The following GRID2 variants were observed in gnomAD, a reference collection of about 807,000 sequenced individuals.
GRID2 encodes the protein glutamate receptor ionotropic, delta-2.
GRID2 carries 33 observed loss-of-function variants against 114.8 expected under a neutral mutation model. The ratio of observed to expected loss-of-function variants is 0.29; its 90% CI spans 0.22 to 0.38. The LOEUF is 0.38. Among genes scored for constraint, GRID2 ranks in the 10% least tolerant of loss-of-function variants. The pLI is 1.00. For synonymous variants in GRID2, 505 were observed against 449.9 expected (o/e 1.12, Z -1.55); for missense variants, 1,184 against 1,257.7 (o/e 0.94, Z 0.89).
At position 92,304,842 on chromosome 4, in the gene GRID2, T is replaced by C. The variant is rs574101782; in HGVS notation, c.88+98T>C. The C allele has an allele frequency of 2.4e-5, 21 of 871,284 alleles. No individual in the cohort carries two copies. In the Middle Eastern group the frequency reaches 7.0e-4, roughly 29 times the overall value. 54.0% of individuals were successfully genotyped at this position (871,284 alleles called of 1,614,324 possible). ...CCCTCTCCGGTCTCTGTGTGTCTTGTTGGAGGTGGCTTCAGTTCATTGCCC... is the reference window on the plus strand; with the variant it reads ...CCCTCTCCGGTCTCTGTGTGTCTTGCTGGAGGTGGCTTCAGTTCATTGCCC... On this transcript the variant is annotated intron_variant, in intron 1 of 15. Transcript: ENST00000282020.
chr4:93,602,838 G>A (rs1197773411), intron 13 of GRID2, among the ~76,000 whole-genome samples: 1 of 152,242 alleles, frequency 6.6e-6, no homozygotes, highest in East Asian at 1.9e-4. Flanking sequence ...TCTGTCAGAT[G>A]ATTAGCCAAG....
intron 8 of GRID2, among the ~76,000 whole-genome samples, chr4:93,238,947 A>G (rs1315923035): frequency 1.3e-5 from 2 of 151,244 alleles, no homozygotes; most frequent in Non-Finnish European, 3.0e-5. Flanking sequence ...TAATATGTAG[A>G]AAATAGTTTG....
At chr4:92,726,489 G>T (rs1736075639) in intron 2 of GRID2, among the ~76,000 whole-genome samples, 1 of 151,410 alleles carries the variant, frequency 6.6e-6, no homozygotes, top group Non-Finnish European at 1.5e-5. Context: ...TTTTTTAATT[G>T]GTATAAAAGA....
intron 2 of GRID2, among the ~76,000 whole-genome samples, chr4:92,820,747 G>T (rs921120189): frequency 6.6e-6 from 1 of 152,056 alleles, no homozygotes; most frequent in African/African-American, 2.4e-5. Context: ...CAACAGTGAT[G>T]TATATACAAG....
At chr4:93,398,133 G>GTGTGTGTGTATGTGTATATA in intron 9 of GRID2, among the ~76,000 whole-genome samples, 1 of 122,336 alleles carries the variant, frequency 8.2e-6, no homozygotes, top group African/African-American at 3.9e-5. Flanking sequence ...ATGTGTGTGT[G>GTGTGTGTGTATGTGTATATA]TATATATATA....
chr4:92,673,615 G>T (rs541378117), intron 2 of GRID2, among the ~76,000 whole-genome samples: 2 of 152,092 alleles, frequency 1.3e-5, no homozygotes, highest in African/African-American at 4.8e-5. Flanking sequence ...TTTTTTTAAA[G>T]ATATTTTCCC....
intron 13 of GRID2, among the ~76,000 whole-genome samples, chr4:93,520,777 G>A (rs900851676): frequency 6.6e-6 from 1 of 152,118 alleles, no homozygotes; most frequent in African/African-American, 2.4e-5. Context: ...CACAATAAGG[G>A]TTGACAATCA....
chr4:93,303,646 A>G (rs1037273172), intron 8 of GRID2, among the ~76,000 whole-genome samples: 5 of 152,170 alleles, frequency 3.3e-5, no homozygotes, highest in Admixed American at 6.5e-5. Context: ...TCATAGACTC[A>G]TGTTTCCTGT....
At chr4:92,972,664 C>T (rs754543639) in intron 2 of GRID2, among the ~76,000 whole-genome samples, 18 of 151,468 alleles carry the variant, frequency 1.2e-4, no homozygotes, top group East Asian at 5.8e-4. Flanking sequence ...CATAGGTAAT[C>T]GTGTCATGGG....
intron 2 of GRID2, among the ~76,000 whole-genome samples, chr4:92,920,829 G>C (rs1319678887): frequency 1.3e-5 from 2 of 151,962 alleles, no homozygotes; most frequent in African/African-American, 2.4e-5. Context: ...ATGTGTCTTG[G>C]AGTTGCTCTT....
intron 1 of GRID2, among the ~76,000 whole-genome samples, chr4:92,307,431 A>T (rs1217412715): frequency 6.6e-6 from 1 of 152,152 alleles, no homozygotes; most frequent in African/African-American, 2.4e-5. Flanking sequence ...AACTGGAAAG[A>T]TGAAAAGACA....
chr4:93,441,267 T>C (rs938423200), intron 10 of GRID2, among the ~76,000 whole-genome samples: 1 of 151,918 alleles, frequency 6.6e-6, no homozygotes, highest in African/African-American at 2.4e-5. Flanking sequence ...AAATAACTTT[T>C]AAAGACATTT....
At chr4:93,364,950 CAACT>C (rs1762199554) in intron 8 of GRID2, among the ~76,000 whole-genome samples, 1 of 152,048 alleles carries the variant, frequency 6.6e-6, no homozygotes, top group Admixed American at 6.6e-5. Flanking sequence ...TTACTACTCC[CAACT>C]GTTATTTTTA....
At chr4:92,366,277 T>C (rs1728863061) in intron 1 of GRID2, among the ~76,000 whole-genome samples, 1 of 152,058 alleles carries the variant, frequency 6.6e-6, no homozygotes, top group Admixed American at 6.6e-5. Flanking sequence ...TTACATTCCT[T>C]ATCTCAACTC....
chr4:92,668,954 G>T (rs903660866), intron 2 of GRID2, among the ~76,000 whole-genome samples: 2 of 151,758 alleles, frequency 1.3e-5, no homozygotes, highest in African/African-American at 4.8e-5. Context: ...ATTTTAGCAT[G>T]GTAGTATAGC....
At chr4:92,644,107 A>T (rs1454173504) in intron 2 of GRID2, among the ~76,000 whole-genome samples, 2 of 151,752 alleles carry the variant, frequency 1.3e-5, no homozygotes, top group Non-Finnish European at 2.9e-5. Context: ...TTGCTTATAA[A>T]AAAAGGGTAG....
At chr4:93,602,002 T>C (rs1377074642) in intron 13 of GRID2, among the ~76,000 whole-genome samples, 2 of 152,194 alleles carry the variant, frequency 1.3e-5, no homozygotes, top group Non-Finnish European at 2.9e-5. Flanking sequence ...CCTTAAAATG[T>C]CATCATGTTT....
chr4:92,514,934 A>G (rs1247314052), intron 1 of GRID2, among the ~76,000 whole-genome samples: 1 of 151,814 alleles, frequency 6.6e-6, no homozygotes, highest in Non-Finnish European at 1.5e-5. Context: ...GTGGCTCAGT[A>G]TGTGTATAAA....
At chr4:92,618,665 T>C (rs1160651418) in intron 2 of GRID2, among the ~76,000 whole-genome samples, 1 of 151,746 alleles carries the variant, frequency 6.6e-6, no homozygotes. Flanking sequence ...TTCTGTTATT[T>C]TGGGTTTCTT....
Sources: allele counts gnomAD v4.1 joint callset (sites outside exome capture counted in the v4.1 genomes callset), GRCh38; gene constraint gnomAD v4.1.1; transcripts MANE v1.5; gene names NCBI Gene and HGNC (gene_info 2026-07-23, HGNC 2026-07-21).